Variants in SYNE1 observed in about 807,000 individuals in gnomAD.
SYNE1 encodes the protein spectrin repeat containing nuclear envelope protein 1.
SYNE1 carries 616 observed loss-of-function variants against 1,111.0 expected under a neutral mutation model. The ratio of observed to expected loss-of-function variants is 0.55; its 90% CI spans 0.52 to 0.59. The LOEUF is 0.59. SYNE1 is among the 20% of genes least tolerant of loss of function. SYNE1 has a pLI of 0.00. For synonymous variants in SYNE1, 3,855 were observed against 3,825.8 expected, an observed-to-expected ratio of 1.01 and a Z score of -0.28; for missense variants, 10,006 against 10,417.0, an observed-to-expected ratio of 0.96 and a Z score of 1.72.
At chr6:152,384,417 G>C (rs1015768499) in intron 55 of SYNE1, among the ~76,000 whole-genome samples, 1 of 152,206 alleles carries the variant, frequency 6.6e-6, no homozygotes, top group East Asian at 1.9e-4. Context: ...TAGATGGAAG[G>C]ATGGATGAAT....
At chr6:152,193,800 A>G (rs2073258984) in intron 127 of SYNE1, among the ~76,000 whole-genome samples, 1 of 151,998 alleles carries the variant, frequency 6.6e-6, no homozygotes, top group Non-Finnish European at 1.5e-5. Flanking sequence ...TCATGAGGTT[A>G]GGAGATCGAA....
At chr6:152,405,054 C>T (rs1219927922) in intron 45 of SYNE1, 2 of 152,272 alleles carry the variant, frequency 1.3e-5, no homozygotes, top group Non-Finnish European at 2.9e-5. Context: ...ACGTGATGAG[C>T]TGTCAGGGCC....
chr6:152,191,611 G>T (rs1407074759), intron 127 of SYNE1, among the ~76,000 whole-genome samples: 1 of 151,988 alleles, frequency 6.6e-6, no homozygotes, highest in African/African-American at 2.4e-5. Flanking sequence ...CTGTGGTATT[G>T]GTTGTAATGT....
chr6:152,458,785 G>A lies in SYNE1; in HGVS notation c.2540C>T (p.Ser847Leu), dbSNP rs1314915829. ...IITVLEREAQ[S>L]SALFKQKHQE... ...ATGTTTTTGTTTAAAAAGGGCACTC[G>A]ATTGTGCCTCACGCTCAAGAACTGT... The change falls in exon 22 of 146, where the codon TCG (serine) becomes TTG (leucine). Residue 847 changes from serine to leucine, a missense_variant. Ser to Leu is a moderately radical substitution (Grantham distance 145). Coordinates refer to ENST00000367255, the MANE Select transcript of SYNE1 (RefSeq NM_182961.4). The A allele has an allele frequency of 1.3e-5, 21 of 1,613,880 alleles. No homozygotes were observed. The highest frequency in any genetic ancestry group is 4.5e-5 in the East Asian group (2 of 44,890).
At chr6:152,367,105 T>C in intron 62 of SYNE1, 113 bp downstream of exon 62, 1 of 1,351,464 alleles carries the variant, frequency 7.4e-7, no homozygotes, top group South Asian at 1.2e-5. Flanking sequence ...ACAAAGCATC[T>C]GAGATTTATC....
At chr6:152,303,926 C>T (rs199914997) in intron 91 of SYNE1, among the ~76,000 whole-genome samples, 3 of 150,220 alleles carry the variant, frequency 2.0e-5, no homozygotes, top group Admixed American at 6.7e-5. Context: ...CACACACACA[C>T]ATTTTGTTAT....
At position 152,201,851 on chromosome 6, in the gene SYNE1, C is replaced by T. The variant is rs1368552698; in HGVS notation, c.23118G>A (p.Glu7706=). The change falls in exon 127 of 146, where the codon GAG becomes GAA. Residue 7706 remains glutamate (E), a synonymous_variant. Coordinates refer to ENST00000367255, the MANE Select transcript of SYNE1 (RefSeq NM_182961.4). ...LSQSLPDHHE[E]LHAEQMRCKE... is the part of the protein sequence containing the mutation. The stretch of plus-strand genomic sequence containing the variant: ...TGCAACGCATTTGTTCTGCATGGAG[C>T]TCTTCATGGTGATCCGGGAGAGACT... 6.2e-7 allele frequency: 1 copy of T among 1,613,918 alleles called. No individual in the cohort carries two copies. The highest frequency in any genetic ancestry group is 1.7e-5 in the Admixed American group (1 of 60,010).
At chr6:152,480,946 T>C (rs1278070180) in intron 14 of SYNE1, among the ~76,000 whole-genome samples, 1 of 152,056 alleles carries the variant, frequency 6.6e-6, no homozygotes, top group Non-Finnish European at 1.5e-5. Context: ...TTCTTGGGGG[T>C]TGGCACAGGG....
rs768477763 is a variant in SYNE1, at chr6:152,352,368, G to A, written c.11254-15C>T. On this transcript the variant is annotated splice_polypyrimidine_tract_variant and intron_variant, in intron 69 of 145. Coordinates refer to ENST00000367255, the MANE Select transcript of SYNE1 (RefSeq NM_182961.4). ...TTGAGCAAAACCTGAAAAAGAGAGTGAGTAGGAGCAAAGGTAGTCTTGTTT... is the reference window on the plus strand; with the variant it reads ...TTGAGCAAAACCTGAAAAAGAGAGTAAGTAGGAGCAAAGGTAGTCTTGTTT... The A allele has an allele frequency of 1.2e-6, 2 of 1,612,552 alleles. No homozygotes were observed. Among genetic ancestry groups the A allele is most frequent in the Non-Finnish European group, 1.7e-6 (2 of 1,179,072 alleles).
chr6:152,294,469 G>A (rs2094770132), intron 93 of SYNE1, among the ~76,000 whole-genome samples: 1 of 152,164 alleles, frequency 6.6e-6, no homozygotes, highest in South Asian at 2.1e-4. Flanking sequence ...AGCAAAAAAA[G>A]AGAATCTTAA....
rs2098640938 is a variant in SYNE1, at chr6:152,450,730, G to A, written c.3290C>T (p.Thr1097Ile). Residue 1097 changes from threonine (T) to isoleucine (I), a missense_variant, in exon 27 of 146, where the codon ACA becomes ATA. Physicochemically the swap from Thr to Ile is moderately conservative, Grantham distance 89. Coordinates refer to ENST00000367255, the MANE Select transcript of SYNE1 (RefSeq NM_182961.4). ...GAGAGTCACGTGACAGGTTCCAGGT[G>A]TGTCCCTTACTGGGTCCCGCACTGG... The part of the protein sequence containing the change: ...KLPVRDPVRD[T>I]PGTCHVTLKE... 8 of 1,614,138 alleles carry A rather than the reference G, an allele frequency of 5.0e-6. No homozygotes were observed. Among genetic ancestry groups the A allele is most frequent in the Non-Finnish European group, 6.8e-6 (8 of 1,180,038 alleles).
intron 99 of SYNE1, among the ~76,000 whole-genome samples, chr6:152,268,404 A>C (rs1429705940): frequency 6.7e-6 from 1 of 149,548 alleles, no homozygotes; most frequent in Non-Finnish European, 1.5e-5. Flanking sequence ...AAAAAAAAAA[A>C]CCACCAATGG....
intron 10 of SYNE1, among the ~76,000 whole-genome samples, chr6:152,501,008 C>T (rs1375926591): frequency 6.6e-6 from 1 of 151,460 alleles, no homozygotes; most frequent in Non-Finnish European, 1.5e-5. Flanking sequence ...TATTACTCTT[C>T]ATTGTCATCT....
intron 32 of SYNE1, 148 bp downstream of exon 32, chr6:152,440,982 C>T: frequency 9.9e-7 from 1 of 1,005,252 alleles, no homozygotes; most frequent in East Asian, 2.6e-5. Flanking sequence ...TTTTCATTCT[C>T]CAATATGTTG....
At chr6:152,424,109 C>G (rs1371396360) in intron 39 of SYNE1, among the ~76,000 whole-genome samples, 1 of 152,160 alleles carries the variant, frequency 6.6e-6, no homozygotes, top group Non-Finnish European at 1.5e-5. Context: ...CTGCTGTATC[C>G]TCGGCACCTA....
chr6:152,502,810 G>T (rs576779850), intron 9 of SYNE1, 68 bp from the exon 10 acceptor site: 3 of 1,198,108 alleles, frequency 2.5e-6, no homozygotes, highest in South Asian at 2.5e-5. Flanking sequence ...ATACAAGTTT[G>T]GTATCTAGCT....
Position 152,515,945 on chromosome 6 carries a change from C to T in SYNE1, c.309+4514G>A, listed in dbSNP as rs1017249217. ...TAAAATGAGGAATACCTTCATTATT[C>T]CCTAAGTCAAACTAAATAAGAATAA... On this transcript the variant is annotated intron_variant, in intron 6 of 145. Transcript: ENST00000367255. Among the ~76,000 whole-genome samples the T allele has an allele frequency of 2.0e-5, 3 of 152,190 alleles. 1 individual carries two copies. In the South Asian group the frequency reaches 6.2e-4, roughly 32 times the overall value.
intron 3 of SYNE1, among the ~76,000 whole-genome samples, chr6:152,578,467 T>C (rs1274608884): frequency 6.6e-6 from 1 of 152,122 alleles, no homozygotes; most frequent in Non-Finnish European, 1.5e-5. Context: ...TGGTGGCATG[T>C]GCCTCTAATC....
At chr6:152,319,322 A>T (rs1279453714) in intron 84 of SYNE1, among the ~76,000 whole-genome samples, 1 of 152,206 alleles carries the variant, frequency 6.6e-6, no homozygotes, top group East Asian at 1.9e-4. Flanking sequence ...TTTGAATCCT[A>T]TCTTCTCCAT....
Sources: allele counts gnomAD v4.1 joint callset (sites outside exome capture counted in the v4.1 genomes callset), GRCh38; gene constraint gnomAD v4.1.1; transcripts MANE v1.5; gene names NCBI Gene and HGNC (gene_info 2026-07-23, HGNC 2026-07-21).